The following ROPN1 variants were observed in gnomAD, a reference collection of about 807,000 sequenced individuals.
ROPN1 encodes the protein ropporin-1A.
A neutral mutation model predicts 20.5 loss-of-function variants in ROPN1; 14 were observed. The ratio of observed to expected loss-of-function variants is 0.68; its 90% CI spans 0.45 to 1.07. The LOEUF is 1.07. ROPN1 is among the 50% of genes least tolerant of loss of function. The pLI is 0.00. For synonymous variants in ROPN1, 76 were observed against 95.7 expected (o/e 0.79, Z 1.20); for missense variants, 169 against 242.8 (o/e 0.70, Z 2.02).
chr3:123,982,993 A>G (rs2038179604), intron 1 of ROPN1, among the ~76,000 whole-genome samples: 2 of 152,248 alleles, frequency 1.3e-5, no homozygotes, highest in Admixed American at 1.3e-4. Flanking sequence ...TATTTCGCTT[A>G]GCACAATGTC....
At chr3:123,991,700 A>G (rs1363083668) in intron 1 of ROPN1, among the ~76,000 whole-genome samples, 1 of 145,102 alleles carries the variant, frequency 6.9e-6, no homozygotes, top group African/African-American at 2.5e-5. Flanking sequence ...AAGAAACCGT[A>G]TAATAGTATT....
chr3:123,980,259 A>T (rs749253692), intron 2 of ROPN1, 107 bp downstream of exon 2: 34 of 947,540 alleles, frequency 3.6e-5, no homozygotes, highest in Non-Finnish European at 1.7e-6. Flanking sequence ...AGACGATGCC[A>T]GTTAGTCCGG....
chr3:123,977,976 C>T (rs778535815), intron 2 of ROPN1, among the ~76,000 whole-genome samples: 8 of 152,214 alleles, frequency 5.3e-5, no homozygotes, highest in Non-Finnish European at 1.0e-4. Flanking sequence ...TGGTTATTGA[C>T]GATCCATGAA....
At chr3:123,983,751 G>T (rs1193542309) in intron 1 of ROPN1, among the ~76,000 whole-genome samples, 2 of 151,798 alleles carry the variant, frequency 1.3e-5, no homozygotes, top group Non-Finnish European at 2.9e-5. Flanking sequence ...TTTATTGTAA[G>T]TGCCAGGTGC....
At position 123,970,057 on chromosome 3, in the gene ROPN1, T is replaced by C; in HGVS notation, c.557A>G (p.Tyr186Cys). Residue 186 changes from tyrosine (Y) to cysteine (C), a missense_variant, in exon 5 of 6, where the codon TAC becomes TGC. Coordinates refer to ENST00000405845, the MANE Select transcript of ROPN1 (RefSeq NM_001317774.2). ...SASHVSRMLN[Y>C]MEQEVIGPDG... Reference sequence around the variant, plus strand: ...GTTAACTTACACTTCCTGTTCCATGTAGTTTAGCATCCTGCTGACATGTGA... The same window carrying C: ...GTTAACTTACACTTCCTGTTCCATGCAGTTTAGCATCCTGCTGACATGTGA... 2 of 1,613,908 alleles carry C rather than the reference T, an allele frequency of 1.2e-6. No homozygotes were observed. The highest frequency in any genetic ancestry group is 1.7e-6 in the Non-Finnish European group (2 of 1,179,978).
chr3:123,990,319 A>G (rs1337477432), intron 1 of ROPN1, among the ~76,000 whole-genome samples: 1 of 151,866 alleles, frequency 6.6e-6, no homozygotes, highest in Non-Finnish European at 1.5e-5. Context: ...GAGGAAGAAG[A>G]GAAGGTGGAG....
chr3:123,981,197 C>G (rs2038140215), intron 1 of ROPN1, among the ~76,000 whole-genome samples: 1 of 152,154 alleles, frequency 6.6e-6, no homozygotes, highest in Non-Finnish European at 1.5e-5. Context: ...GAGAAAGGGA[C>G]AGACTAGATA....
intron 1 of ROPN1, among the ~76,000 whole-genome samples, chr3:123,985,212 G>A (rs1398445954): frequency 6.6e-6 from 1 of 152,190 alleles, no homozygotes; most frequent in East Asian, 1.9e-4. Flanking sequence ...TTTCTGTGCC[G>A]AAGGTTTTAT....
intron 1 of ROPN1, among the ~76,000 whole-genome samples, chr3:123,987,606 C>T (rs1280648809): frequency 6.6e-6 from 1 of 152,168 alleles, no homozygotes; most frequent in East Asian, 1.9e-4. Context: ...CCCAATTTGC[C>T]TTATTCGTAT....
intron 4 of ROPN1, among the ~76,000 whole-genome samples, chr3:123,974,311 A>G (rs187023108): frequency 1.3e-5 from 2 of 152,246 alleles, no homozygotes; most frequent in Admixed American, 1.3e-4. Flanking sequence ...CTGACTGACA[A>G]CTCATAGGCC....
intron 1 of ROPN1, among the ~76,000 whole-genome samples, chr3:123,985,412 CATT>C (rs953290448): frequency 6.6e-6 from 1 of 152,188 alleles, no homozygotes; most frequent in Non-Finnish European, 1.5e-5. Context: ...TTATTTTTCA[CATT>C]ATTTTCTCCT....
Position 123,980,355 on chromosome 3 carries a change from G to A in ROPN1, c.116+11C>T, listed in dbSNP as rs375507512. On this transcript the variant is annotated intron_variant, in intron 2 of 5. Transcript: ENST00000405845. ...TCCTCCAAGGGGTGAAGGCGAGAAA[G>A]GAGCACGTACTCGGCTGCCCACTGG... 1.9e-6 allele frequency: 3 copies of A among 1,614,026 alleles called. No individual in the cohort carries two copies. The highest frequency in any genetic ancestry group is 1.3e-5 in the African/African-American group (1 of 75,038).
intron 1 of ROPN1, among the ~76,000 whole-genome samples, chr3:123,983,326 T>G (rs1231931555): frequency 6.6e-6 from 1 of 151,338 alleles, no homozygotes; most frequent in South Asian, 2.1e-4. Flanking sequence ...GTATTTTAAT[T>G]TTTTGAGGAA....
intron 5 of ROPN1, among the ~76,000 whole-genome samples, chr3:123,969,652 T>C (rs2037874839): frequency 6.6e-6 from 1 of 152,094 alleles, no homozygotes. Flanking sequence ...TCCTCCTCCT[T>C]CTCCACTTCT....
chr3:123,979,864 A>T, intron 2 of ROPN1: 1 of 349,716 alleles, frequency 2.9e-6, no homozygotes, highest in Non-Finnish European at 5.4e-6. Context: ...TTTTAACAGC[A>T]GGGGAGGAAG....
intron 4 of ROPN1, 104 bp from the exon 5 acceptor site, chr3:123,970,321 T>C: frequency 1.0e-6 from 1 of 994,320 alleles, no homozygotes; most frequent in Non-Finnish European, 1.5e-6. Flanking sequence ...TCTTATAAAA[T>C]GAAGTGGGAA....
At chr3:123,971,699 T>A (rs912992270) in intron 4 of ROPN1, among the ~76,000 whole-genome samples, 3 of 152,126 alleles carry the variant, frequency 2.0e-5, no homozygotes, top group African/African-American at 7.2e-5. Context: ...GCAAGCACAC[T>A]CTGAACATTA....
chr3:123,983,129 AT>A (rs1416691007), intron 1 of ROPN1, among the ~76,000 whole-genome samples: 1 of 152,058 alleles, frequency 6.6e-6, no homozygotes, highest in African/African-American at 2.4e-5. Context: ...GCTGAATACT[AT>A]TTTGCTAGAT....
At chr3:123,969,975 C>T in intron 5 of ROPN1, 67 bp downstream of exon 5, 3 of 1,501,060 alleles carry the variant, frequency 2.0e-6, no homozygotes, top group Admixed American at 1.8e-5. Context: ...AATAATCTCA[C>T]TATCTTGGCC....
Sources: allele counts gnomAD v4.1 joint callset (sites outside exome capture counted in the v4.1 genomes callset), GRCh38; gene constraint gnomAD v4.1.1; transcripts MANE v1.5; gene names NCBI Gene and HGNC (gene_info 2026-07-23, HGNC 2026-07-21).